The following MAPK4 variants were observed in gnomAD, a reference collection of about 807,000 sequenced individuals.
MAPK4 encodes the protein Erk3-related.
A neutral mutation model predicts 47.7 loss-of-function variants in MAPK4; 22 were observed. That is an observed-to-expected ratio of 0.46 (90% confidence interval 0.33 to 0.66). The LOEUF is 0.66. Among genes scored for constraint, MAPK4 ranks in the 30% least tolerant of loss-of-function variants. The probability of loss-of-function intolerance (pLI) is 0.02; values close to 1 mark genes in which losing one functional copy is unlikely to be tolerated. For synonymous variants in MAPK4, 390 were observed against 365.7 expected, an observed-to-expected ratio of 1.07 and a Z score of -0.76; for missense variants, 736 against 831.7, an observed-to-expected ratio of 0.88 and a Z score of 1.42.
intron 1 of MAPK4, among the ~76,000 whole-genome samples, chr18:50,614,104 G>T (rs2042663113): frequency 6.6e-6 from 1 of 152,054 alleles, no homozygotes; most frequent in African/African-American, 2.4e-5. Flanking sequence ...TGCCTGTTGG[G>T]TATTCTGCTA....
chr18:50,585,511 G>C (rs758019031), intron 1 of MAPK4, among the ~76,000 whole-genome samples: 13 of 152,142 alleles, frequency 8.5e-5, no homozygotes, highest in Non-Finnish European at 8.8e-5. Context: ...TTTCTACAGA[G>C]AATGTTAAAG....
In MAPK4 at chr18:50,731,814, A is replaced by T. The variant is rs1341832944; in HGVS notation, c.*1960A>T. The T allele has an allele frequency of 6.6e-6, 1 of 152,236 alleles. No homozygotes were observed. Among genetic ancestry groups the T allele is most frequent in the Non-Finnish European group, 1.5e-5 (1 of 68,036 alleles). 9.4% of individuals were successfully genotyped at this position (152,236 alleles called of 1,614,324 possible). A position where few individuals can be genotyped will look rare whatever the true frequency, so the allele number is the denominator to read the frequency against. ...ATCAGGTCAGGCCAAATAAAGTTTT[A>T]TTGGAACACAGATTTATTTATGTAT... On this transcript the variant is annotated 3_prime_UTR_variant, in exon 6 of 6. Coordinates refer to ENST00000400384, the MANE Select transcript of MAPK4 (RefSeq NM_002747.4).
intron 1 of MAPK4, among the ~76,000 whole-genome samples, chr18:50,601,323 G>A (rs1267907787): frequency 2.2e-5 from 2 of 90,694 alleles, no homozygotes; most frequent in East Asian, 3.6e-4. Context: ...GAGAGAGCAA[G>A]ACTCTATGTC....
chr18:50,658,687 G>A (rs1232117094), intron 1 of MAPK4, among the ~76,000 whole-genome samples: 1 of 152,208 alleles, frequency 6.6e-6, no homozygotes, highest in East Asian at 1.9e-4. Flanking sequence ...GGGACTTTAG[G>A]CCAGATTAGG....
intron 3 of MAPK4, among the ~76,000 whole-genome samples, chr18:50,719,033 G>A (rs1910784464): frequency 7.3e-6 from 1 of 136,624 alleles, no homozygotes. Context: ...CCAGTGAGCC[G>A]AGATCGTGCC....
intron 1 of MAPK4, among the ~76,000 whole-genome samples, chr18:50,657,208 T>C (rs1483182292): frequency 6.6e-6 from 1 of 152,146 alleles, no homozygotes; most frequent in East Asian, 1.9e-4. Context: ...CAGAACAGGA[T>C]CATATGACCA....
chr18:50,592,228 T>A lies in MAPK4; in HGVS notation c.-871+31985T>A, dbSNP rs115240488. Among the ~76,000 whole-genome samples the A allele has an allele frequency of 9.3e-3, 1,417 of 152,146 alleles. 20 individuals are homozygous for A. Among genetic ancestry groups the A allele is most frequent in the African/African-American group, 0.032 (1,314 of 41,500 alleles). Reference sequence around the variant, plus strand: ...AGATAAAGAAACAGCCAGAAGAGGGTTCAAGGACATGCCAAACCTCCTTCT... The same window carrying A: ...AGATAAAGAAACAGCCAGAAGAGGGATCAAGGACATGCCAAACCTCCTTCT... On this transcript the variant is annotated intron_variant, in intron 1 of 5. Transcript: ENST00000400384.
chr18:50,594,118 A>G (rs1338540484), intron 1 of MAPK4, among the ~76,000 whole-genome samples: 2 of 152,240 alleles, frequency 1.3e-5, no homozygotes, highest in African/African-American at 4.8e-5. Flanking sequence ...GGAAGGAGGC[A>G]TCCAGCATGG....
intron 1 of MAPK4, among the ~76,000 whole-genome samples, chr18:50,647,648 T>C (rs1340359144): frequency 6.6e-6 from 1 of 152,140 alleles, no homozygotes; most frequent in African/African-American, 2.4e-5. Context: ...CACTGAACTC[T>C]CACACCCCTA....
chr18:50,625,223 G>C (rs1461645432), intron 1 of MAPK4, among the ~76,000 whole-genome samples: 2 of 152,158 alleles, frequency 1.3e-5, no homozygotes, highest in Admixed American at 1.3e-4. Flanking sequence ...AACCAAAGCT[G>C]GTCCTGGAAA....
At chr18:50,605,586 G>A (rs2042576057) in intron 1 of MAPK4, among the ~76,000 whole-genome samples, 1 of 152,180 alleles carries the variant, frequency 6.6e-6, no homozygotes, top group Non-Finnish European at 1.5e-5. Flanking sequence ...CTTCTAACTG[G>A]GCAGTTTGCC....
intron 1 of MAPK4, among the ~76,000 whole-genome samples, chr18:50,606,128 ACG>A (rs937777647): frequency 1.3e-5 from 2 of 152,050 alleles, no homozygotes; most frequent in Non-Finnish European, 2.9e-5. Flanking sequence ...GGGAATGGGA[ACG>A]TGCCCTGGAG....
At chr18:50,581,817 T>C (rs182193102) in intron 1 of MAPK4, among the ~76,000 whole-genome samples, 50 of 152,328 alleles carry the variant, frequency 3.3e-4, no homozygotes, top group Non-Finnish European at 6.5e-4. Context: ...TCCTAGGAGT[T>C]TGGGGACCTA....
At chr18:50,727,671 TCA>T (rs1164776657) in intron 5 of MAPK4, among the ~76,000 whole-genome samples, 3 of 152,118 alleles carry the variant, frequency 2.0e-5, no homozygotes, top group Non-Finnish European at 1.5e-5. Flanking sequence ...GGAAAAACTG[TCA>T]CAGGATTTGT....
chr18:50,686,183 A>G, intron 2 of MAPK4, among the ~76,000 whole-genome samples: 1 of 152,188 alleles, frequency 6.6e-6, no homozygotes, highest in Non-Finnish European at 1.5e-5. Context: ...CTGCAGACCA[A>G]GCTGCCAAAT....
chr18:50,621,068 T>C (rs997030274), intron 1 of MAPK4, among the ~76,000 whole-genome samples: 1 of 152,196 alleles, frequency 6.6e-6, no homozygotes, highest in Non-Finnish European at 1.5e-5. Flanking sequence ...GCTCAGGGTT[T>C]TATATACATT....
chr18:50,670,213 T>C (rs1907858989), intron 2 of MAPK4: 1 of 151,352 alleles, frequency 6.6e-6, no homozygotes. Flanking sequence ...CACATGGCGC[T>C]TGTCTTTCAC....
At position 50,664,192 on chromosome 18, in the gene MAPK4, CAA is replaced by C. The variant is rs548264569; in HGVS notation, c.236_237del (p.Lys79SerfsTer11). 6.2e-7 allele frequency: 1 copy of C among 1,614,106 alleles called. No individual in the cohort carries two copies. The highest frequency in any genetic ancestry group is 8.5e-7 in the Non-Finnish European group (1 of 1,180,030). ...IRRLDHDNIVKVYEVLGPKGT... is the reference protein window; with the variant it reads ...IRRLDHDNIVXVYEVLGPKGT... ...GGCGCCTGGACCACGACAACATCGT[CAA>C]AGTGTACGAGGTGCTCGGTCCCAAG... On this transcript the variant is annotated frameshift_variant, in exon 2 of 6. Coordinates refer to ENST00000400384, the MANE Select transcript of MAPK4 (RefSeq NM_002747.4). LOFTEE classifies it high-confidence loss of function. This position sits in a 1 kb window ranked among gnomAD's most constrained non-coding sequence, Gnocchi z 6.0.
chr18:50,689,404 T>TAAAAA (rs34978159), intron 2 of MAPK4, among the ~76,000 whole-genome samples: 4 of 84,850 alleles, frequency 4.7e-5, no homozygotes, highest in African/African-American at 1.3e-4. Flanking sequence ...AACTCCATCT[T>TAAAAA]AAAAAAAAAA....
Sources: allele counts gnomAD v4.1 joint callset (sites outside exome capture counted in the v4.1 genomes callset), GRCh38; gene constraint gnomAD v4.1.1; non-coding constraint Gnocchi (gnomAD v3.1); transcripts MANE v1.5; gene names NCBI Gene and HGNC (gene_info 2026-07-23, HGNC 2026-07-21).